MINDY4: variants seen among roughly 807,000 people sequenced by gnomAD.
MINDY4 encodes the protein probable ubiquitin carboxyl-terminal hydrolase MINDY-4.
Under a neutral mutation model 87.0 loss-of-function variants are expected in MINDY4, and 68 were observed. The ratio of observed to expected loss-of-function variants is 0.78; its 90% CI spans 0.64 to 0.96. The LOEUF (loss-of-function observed/expected upper bound fraction) is 0.96. Among genes scored for constraint, MINDY4 ranks in the 40% least tolerant of loss-of-function variants. The probability of loss-of-function intolerance (pLI) is 0.00; values close to 1 mark genes in which losing one functional copy is unlikely to be tolerated. For missense variants in MINDY4, 919 were observed against 928.2 expected (o/e 0.99, Z 0.13); for synonymous variants, 379 against 363.2 (o/e 1.04, Z -0.50).
Position 30,778,508 on chromosome 7 carries a change from T to C in MINDY4, c.140T>C (p.Leu47Pro). 6.2e-7 allele frequency: 1 copy of C among 1,614,234 alleles called. No individual in the cohort carries two copies. ...SDLSINNRND[L>P]RKVLHLEFLY... ...CTCAGCATAAACAACAGAAATGATC[T>C]TCGAAAGGTTTTGCATCTTGAATTT... is the stretch of plus-strand genomic sequence containing the variant. The change falls in exon 2 of 18, where the codon CTT becomes CCT. Residue 47 changes from leucine (L) to proline (P), a missense_variant. Transcript: ENST00000265299.
At chr7:30,772,055 T>C (rs1030349356) in intron 1 of MINDY4, among the ~76,000 whole-genome samples, 1 of 152,288 alleles carries the variant, frequency 6.6e-6, no homozygotes, top group South Asian at 2.1e-4. Context: ...GTGGTTGCTT[T>C]AATTTTTGTA....
chr7:30,799,974 C>T (rs1787599229), intron 5 of MINDY4, among the ~76,000 whole-genome samples: 1 of 152,114 alleles, frequency 6.6e-6, no homozygotes, highest in African/African-American at 2.4e-5. Flanking sequence ...GCTTTTTGTG[C>T]CCCTCTTAGT....
At position 30,791,390 on chromosome 7, in the gene MINDY4, C is replaced by T. The variant is rs142944427; in HGVS notation, c.889C>T (p.Arg297Trp). 330 of 1,614,144 alleles carry T rather than the reference C, an allele frequency of 2.0e-4. 1 individual carries two copies. In the East Asian group the frequency reaches 6.1e-3, roughly 30 times the overall value. Residue 297 changes from arginine (R) to tryptophan (W), a missense_variant, in exon 5 of 18, where the codon CGG (arginine) becomes TGG (tryptophan). Coordinates refer to ENST00000265299, the MANE Select transcript of MINDY4 (RefSeq NM_032222.3). ...CAGCCCTCCCCATCTGCCCAGCAAACGGCTGCCCCCATGGGACAGGGCCAG... is the reference window on the plus strand; with the variant it reads ...CAGCCCTCCCCATCTGCCCAGCAAATGGCTGCCCCCATGGGACAGGGCCAG... Reference protein sequence around the residue: ...ASSPPHLPSKRLPPWDRARPR... With the variant: ...ASSPPHLPSKWLPPWDRARPR...
At chr7:30,792,711 G>T (rs919310982) in intron 5 of MINDY4, among the ~76,000 whole-genome samples, 1 of 151,808 alleles carries the variant, frequency 6.6e-6, no homozygotes, top group African/African-American at 2.4e-5. Flanking sequence ...TTATGTCTTT[G>T]TTTCATTCCT....
intron 12 of MINDY4, 90 bp from the exon 13 acceptor site, chr7:30,859,167 G>A (rs767038918): frequency 1.5e-6 from 2 of 1,335,776 alleles, no homozygotes; most frequent in South Asian, 2.4e-5. Flanking sequence ...AGGGCAGGCT[G>A]CTCCCTGGGG....
chr7:30,809,957 C>G (rs1356682256), intron 5 of MINDY4, among the ~76,000 whole-genome samples: 4 of 151,880 alleles, frequency 2.6e-5, no homozygotes, highest in African/African-American at 9.7e-5. Context: ...GTGGGTGGAT[C>G]ATGAGGTCAG....
At chr7:30,884,161 G>A (rs769277908) in intron 17 of MINDY4, among the ~76,000 whole-genome samples, 1 of 152,174 alleles carries the variant, frequency 6.6e-6, no homozygotes, top group Non-Finnish European at 1.5e-5. Flanking sequence ...AGCAAGCTTA[G>A]GGTTGATGCC....
intron 9 of MINDY4, among the ~76,000 whole-genome samples, chr7:30,849,840 C>A (rs924715694): frequency 9.2e-5 from 14 of 152,226 alleles, no homozygotes; most frequent in Non-Finnish European, 1.5e-4. Context: ...CTCCAGCTAC[C>A]TCTTCCCAGC....
chr7:30,834,172 TAGC>T (rs1194449722), intron 6 of MINDY4, among the ~76,000 whole-genome samples: 4 of 152,258 alleles, frequency 2.6e-5, no homozygotes, highest in Non-Finnish European at 5.9e-5. Context: ...TGCACTGCCC[TAGC>T]AGAGGTTCTC....
intron 4 of MINDY4, among the ~76,000 whole-genome samples, chr7:30,787,439 C>A (rs867052336): frequency 6.6e-6 from 1 of 152,170 alleles, no homozygotes; most frequent in East Asian, 1.9e-4. Flanking sequence ...GAGATTTCTT[C>A]GAATATGGAG....
rs767264500 is a variant in MINDY4, at chr7:30,791,337, C to A, written c.836C>A (p.Thr279Asn). The A allele has an allele frequency of 6.2e-7, 1 of 1,614,160 alleles. No individual in the cohort carries two copies. Among genetic ancestry groups the A allele is most frequent in the Non-Finnish European group, 8.5e-7 (1 of 1,180,034 alleles). ...TCCCTGGGTCAGCTTAGTGAACTGA[C>A]CGTAGAAAGGCAGAAAACCACTGCC... ...RTSLGQLSELTVERQKTTASS... is the reference protein window; with the variant it reads ...RTSLGQLSELNVERQKTTASS... The change falls in exon 5 of 18, where the codon ACC becomes AAC. Residue 279 changes from threonine to asparagine, a missense_variant. Physicochemically the swap from Thr to Asn is moderately conservative, Grantham distance 65. Coordinates refer to ENST00000265299, the MANE Select transcript of MINDY4 (RefSeq NM_032222.3).
chr7:30,838,824 G>C (rs1350012795), intron 7 of MINDY4, among the ~76,000 whole-genome samples: 28 of 152,154 alleles, frequency 1.8e-4, no homozygotes, highest in Admixed American at 1.8e-3. Context: ...TATCCTAGAT[G>C]GTTCTAATGT....
At chr7:30,812,369 TTTTA>T (rs1409779678) in intron 5 of MINDY4, among the ~76,000 whole-genome samples, 1 of 152,176 alleles carries the variant, frequency 6.6e-6, no homozygotes, top group African/African-American at 2.4e-5. Context: ...CTGGTGTGTG[TTTTA>T]TTTTTCATTC....
At chr7:30,867,300 T>C (rs1000786463) in intron 13 of MINDY4, among the ~76,000 whole-genome samples, 1 of 152,220 alleles carries the variant, frequency 6.6e-6, no homozygotes. Context: ...TAATCTGGGT[T>C]CTTGGCCGTG....
intron 4 of MINDY4, 112 bp downstream of exon 4, chr7:30,786,104 G>T: frequency 2.8e-6 from 4 of 1,405,464 alleles, no homozygotes; most frequent in South Asian, 1.4e-5. Context: ...CGAGAAGAGG[G>T]TCTGTGTGTG....
chr7:30,884,137 G>T (rs920594246), intron 17 of MINDY4, among the ~76,000 whole-genome samples: 2 of 152,138 alleles, frequency 1.3e-5, no homozygotes, highest in African/African-American at 4.8e-5. Context: ...TACTGCCTGA[G>T]ATCCAGGGGG....
chr7:30,849,671 C>T (rs886178765), intron 9 of MINDY4, among the ~76,000 whole-genome samples: 2 of 152,162 alleles, frequency 1.3e-5, no homozygotes, highest in African/African-American at 2.4e-5. Context: ...AGGGTTCCAC[C>T]CTTGGCCACG....
At chr7:30,800,295 A>T (rs1229258077) in intron 5 of MINDY4, among the ~76,000 whole-genome samples, 1 of 152,174 alleles carries the variant, frequency 6.6e-6, no homozygotes, top group Non-Finnish European at 1.5e-5. Context: ...CCAAGCAGGG[A>T]TCTTTTACAG....
chr7:30,825,463 C>T (rs1463113916), intron 5 of MINDY4, among the ~76,000 whole-genome samples: 1 of 152,202 alleles, frequency 6.6e-6, no homozygotes, highest in African/African-American at 2.4e-5. Flanking sequence ...CTCATGGCCA[C>T]CTGCCTACCC....
Sources: gnomAD v4.1 joint callset for allele counts (sites outside exome capture counted in the v4.1 genomes callset) on GRCh38, gnomAD v4.1.1 for gene constraint, MANE v1.5 for transcripts, NCBI Gene and HGNC (gene_info 2026-07-23, HGNC 2026-07-21) for gene names.